Variants in EFCAB6 observed in about 807,000 individuals in gnomAD.
EFCAB6 encodes EF-hand calcium binding domain 6.
EFCAB6 carries 156 observed loss-of-function variants against 169.8 expected under a neutral mutation model. The observed-to-expected ratio is 0.92, with a 90% CI of 0.81 to 1.05. The LOEUF (loss-of-function observed/expected upper bound fraction) is 1.05, where lower values mean the gene tolerates loss of function less well. EFCAB6 is among the 50% of genes least tolerant of loss of function. The pLI, the probability that EFCAB6 is intolerant of heterozygous loss-of-function variation, is 0.00. For synonymous variants in EFCAB6, 698 were observed against 676.4 expected, an observed-to-expected ratio of 1.03 and a Z score of -0.50; for missense variants, 1,800 against 1,829.1, an observed-to-expected ratio of 0.98 and a Z score of 0.29.
At chr22:43,580,014 G>A (rs750969468) in intron 25 of EFCAB6, among the ~76,000 whole-genome samples, 3 of 152,146 alleles carry the variant, frequency 2.0e-5, no homozygotes, top group Non-Finnish European at 4.4e-5. Flanking sequence ...GATGGAAGCT[G>A]TAGAATGTCA....
At chr22:43,564,459 G>GA (rs111587042) in intron 26 of EFCAB6, among the ~76,000 whole-genome samples, 46,348 of 139,214 alleles carry the variant, frequency 0.33, 7,609 homozygotes, top group Middle Eastern at 0.44. Flanking sequence ...GAAAAAAAAA[G>GA]AAAAAAAAAA....
intron 12 of EFCAB6, 133 bp downstream of exon 12, chr22:43,683,614 T>C (rs748294596): frequency 1.4e-6 from 1 of 694,850 alleles, no homozygotes; most frequent in Non-Finnish European, 2.5e-6. Flanking sequence ...ATTCCCAGCA[T>C]GTAACGGGGG....
intron 29 of EFCAB6, chr22:43,535,576 C>T (rs2047338405): frequency 6.6e-6 from 1 of 152,388 alleles, no homozygotes; most frequent in East Asian, 1.9e-4. Flanking sequence ...GGCACTCATC[C>T]TCATGCCGCA....
chr22:43,530,735 G>T (rs1569106239), intron 31 of EFCAB6, 80 bp downstream of exon 31: 10 of 1,589,490 alleles, frequency 6.3e-6, no homozygotes, highest in Middle Eastern at 2.3e-4. Context: ...GCAGGTAGAG[G>T]GCTCCCCGTG....
intron 10 of EFCAB6, among the ~76,000 whole-genome samples, chr22:43,695,025 A>G (rs918404260): frequency 1.3e-5 from 2 of 152,060 alleles, no homozygotes; most frequent in Admixed American, 1.3e-4. Flanking sequence ...AAGGCTAGAA[A>G]ACAAAATAAG....
At chr22:43,717,605 G>A (rs1008517621) in intron 8 of EFCAB6, among the ~76,000 whole-genome samples, 19 of 152,096 alleles carry the variant, frequency 1.2e-4, no homozygotes, top group African/African-American at 4.6e-4. Context: ...CAAGCTCATT[G>A]ATCATTTTTA....
chr22:43,698,659 G>A (rs1422589167), intron 10 of EFCAB6, among the ~76,000 whole-genome samples: 1 of 152,160 alleles, frequency 6.6e-6, no homozygotes, highest in African/African-American at 2.4e-5. Context: ...TTAGGGTGCT[G>A]TGCTTCAGGA....
Position 43,667,282 on chromosome 22 carries a change from C to CTTTTTT in EFCAB6, c.1815-11_1815-10insAAAAAA. ...CTCCGTGAGCTTGGTTCTAAAATCACAAGCAGGCATTTAGACCCAGTGTCA... is the reference window on the plus strand; with the variant it reads ...CTCCGTGAGCTTGGTTCTAAAATCACTTTTTTAAGCAGGCATTTAGACCCAGTGTCA... On this transcript the variant is annotated splice_polypyrimidine_tract_variant and intron_variant, in intron 16 of 31. Coordinates refer to ENST00000262726, the MANE Select transcript of EFCAB6 (RefSeq NM_022785.4). 6.2e-7 allele frequency: 1 copy of CTTTTTT among 1,612,640 alleles called. No homozygotes were observed. The highest frequency in any genetic ancestry group is 8.5e-7 in the Non-Finnish European group (1 of 1,179,230).
chr22:43,626,382 T>C, intron 20 of EFCAB6, 65 bp downstream of exon 20: 4 of 1,487,418 alleles, frequency 2.7e-6, no homozygotes, highest in Non-Finnish European at 3.7e-6. Flanking sequence ...GCCATGGAAA[T>C]GCTGGACGTC....
intron 3 of EFCAB6, 51 bp from the exon 4 acceptor site, chr22:43,773,154 A>T: frequency 1.3e-6 from 2 of 1,577,998 alleles, no homozygotes; most frequent in Non-Finnish European, 1.7e-6. Flanking sequence ...CCAAGATACT[A>T]AACAGAAACT....
chr22:43,668,413 T>A (rs1311165918), intron 16 of EFCAB6, among the ~76,000 whole-genome samples: 2 of 152,246 alleles, frequency 1.3e-5, no homozygotes, highest in Admixed American at 6.5e-5. Context: ...ACAATTCAAT[T>A]TGGAAATCAG....
intron 19 of EFCAB6, 65 bp downstream of exon 19, chr22:43,632,040 T>C (rs908924566): frequency 6.3e-7 from 1 of 1,585,444 alleles, no homozygotes; most frequent in Non-Finnish European, 8.6e-7. Context: ...TCACACCCAC[T>C]TGGGCTGCGT....
At chr22:43,750,147 T>C (rs947120519) in intron 6 of EFCAB6, among the ~76,000 whole-genome samples, 24 of 152,150 alleles carry the variant, frequency 1.6e-4, no homozygotes, top group Non-Finnish European at 3.2e-4. Flanking sequence ...TAGTCCGAAA[T>C]AATTGCAAAT....
chr22:43,725,392 C>T (rs2059693004), intron 8 of EFCAB6, among the ~76,000 whole-genome samples: 2 of 152,126 alleles, frequency 1.3e-5, no homozygotes, highest in Admixed American at 6.5e-5. Flanking sequence ...CCACCCGCCT[C>T]GGCCTCCCAA....
chr22:43,781,458 C>T (rs1403657179), intron 3 of EFCAB6, among the ~76,000 whole-genome samples: 2 of 152,098 alleles, frequency 1.3e-5, no homozygotes, highest in South Asian at 2.1e-4. Context: ...CAAGTAGCTG[C>T]GACTCTAGGC....
chr22:43,539,865 G>A (rs1438827362), intron 28 of EFCAB6, among the ~76,000 whole-genome samples: 2 of 152,136 alleles, frequency 1.3e-5, no homozygotes, highest in African/African-American at 2.4e-5. Context: ...CCTGCCTCTC[G>A]CTCCCTTTCC....
chr22:43,748,342 C>T (rs2147803432), intron 6 of EFCAB6, among the ~76,000 whole-genome samples: 1 of 152,338 alleles, frequency 6.6e-6, no homozygotes, highest in Non-Finnish European at 1.5e-5. Flanking sequence ...CCCAACTTGC[C>T]TTGAGAAACA....
chr22:43,579,045 C>T (rs192957102), intron 25 of EFCAB6, among the ~76,000 whole-genome samples: 188 of 134,726 alleles, frequency 1.4e-3, no homozygotes, highest in Middle Eastern at 5.1e-3. Context: ...ATTCCCTACA[C>T]GCAGGCATCA....
intron 20 of EFCAB6, among the ~76,000 whole-genome samples, chr22:43,621,254 G>GATTT (rs3072757): frequency 0.28 from 42,476 of 150,300 alleles, 6,537 homozygotes; most frequent in East Asian, 0.61. Context: ...ACACCTGGCT[G>GATTT]ATTTATTTAT....
Sources: allele counts gnomAD v4.1 joint callset (sites outside exome capture counted in the v4.1 genomes callset), GRCh38; gene constraint gnomAD v4.1.1; transcripts MANE v1.5; gene names NCBI Gene and HGNC (gene_info 2026-07-23, HGNC 2026-07-21).